Variants in FRMD6 observed in about 807,000 individuals in gnomAD.
FRMD6 encodes FERM domain-containing protein 6.
A neutral mutation model predicts 73.2 loss-of-function variants in FRMD6; 37 were observed. That is an observed-to-expected ratio of 0.51 (90% CI 0.39 to 0.66). FRMD6 has a LOEUF of 0.66. Ranked by LOEUF, FRMD6 falls within the 30% of genes least tolerant of loss-of-function variation. The probability of loss-of-function intolerance (pLI) is 0.00; values close to 1 mark genes in which losing one functional copy is unlikely to be tolerated. For synonymous variants in FRMD6, 273 were observed against 282.2 expected (o/e 0.97, Z 0.33); for missense variants, 714 against 780.5 (o/e 0.91, Z 1.02).
rs748297402 is a variant in FRMD6, at chr14:51,727,986, C to T, written c.1826C>T (p.Ser609Phe). 4 of 1,612,910 alleles carry T rather than the reference C, an allele frequency of 2.5e-6. No homozygotes were observed. In the African/African-American group the frequency reaches 4.0e-5, roughly 16 times the overall value. ...FPVKRTSKYF[S>F]LDLTHDEVPE... ...GTCAAAAGAACCAGCAAATACTTTT[C>T]TCTGGATCTCACTCATGATGAAGTT... is the stretch of plus-strand genomic sequence containing the variant. Residue 609 changes from serine (S) to phenylalanine (F), a missense_variant, in exon 14 of 14, where the codon TCT (serine) becomes TTT (phenylalanine). By Grantham distance (155) the Ser-to-Phe change is radical (BLOSUM62 -2). Coordinates refer to ENST00000344768, the MANE Select transcript of FRMD6 (RefSeq NM_001267046.2).
intron 2 of FRMD6, among the ~76,000 whole-genome samples, chr14:51,592,337 G>A (rs1013543475): frequency 6.6e-6 from 1 of 152,080 alleles, no homozygotes; most frequent in African/African-American, 2.4e-5. Flanking sequence ...AAGGCATTTG[G>A]GTTATTGCGT....
the FRMD6 span, among the ~76,000 whole-genome samples, chr14:51,477,718 C>T: frequency 2.2e-4 from 30 of 134,454 alleles, no homozygotes; most frequent in African/African-American, 7.8e-4. Context: ...TCTTTTCTTT[C>T]TTTCTTTCTT....
At chr14:51,440,241 A>G in the FRMD6 span, among the ~76,000 whole-genome samples, 4 of 152,216 alleles carry the variant, frequency 2.6e-5, no homozygotes, top group Non-Finnish European at 5.9e-5. Flanking sequence ...GAAAGCTTAA[A>G]CTGTTGAATA....
the FRMD6 span, among the ~76,000 whole-genome samples, chr14:51,427,343 C>T: frequency 6.6e-6 from 1 of 152,332 alleles, no homozygotes; most frequent in East Asian, 1.9e-4. Context: ...AGCCACTTTG[C>T]TGATCACCGT....
At chr14:51,699,395 C>T (rs375934662) in intron 3 of FRMD6, among the ~76,000 whole-genome samples, 2 of 152,042 alleles carry the variant, frequency 1.3e-5, no homozygotes, top group African/African-American at 4.8e-5. Flanking sequence ...ATTCCATGCT[C>T]AAAGTTAATT....
At chr14:51,480,776 T>G in the FRMD6 span, among the ~76,000 whole-genome samples, 2 of 152,114 alleles carry the variant, frequency 1.3e-5, no homozygotes, top group Non-Finnish European at 2.9e-5. Context: ...TTGTGAGGCT[T>G]AAGTGAGCTA....
At chr14:51,677,447 G>A (rs1266295213) in intron 1 of FRMD6, among the ~76,000 whole-genome samples, 1 of 152,044 alleles carries the variant, frequency 6.6e-6, no homozygotes, top group Non-Finnish European at 1.5e-5. Context: ...ATTTCATTGT[G>A]GAAATTAGAA....
At chr14:51,446,445 G>GACAC in the FRMD6 span, among the ~76,000 whole-genome samples, 218 of 139,222 alleles carry the variant, frequency 1.6e-3, 1 homozygote, top group African/African-American at 3.6e-3. Context: ...CTCTTGTGTA[G>GACAC]ACACACACAC....
chr14:51,636,794 G>A (rs1354062112), intron 2 of FRMD6, among the ~76,000 whole-genome samples: 1 of 152,084 alleles, frequency 6.6e-6, no homozygotes, highest in Non-Finnish European at 1.5e-5. Flanking sequence ...CTGTGAGAGG[G>A]GTGACGTGAG....
At chr14:51,550,375 T>C (rs994531215) in intron 1 of FRMD6, among the ~76,000 whole-genome samples, 4 of 152,216 alleles carry the variant, frequency 2.6e-5, no homozygotes, top group African/African-American at 9.6e-5. Flanking sequence ...AAATGTCTTT[T>C]TATCATTGGC....
the FRMD6 span, among the ~76,000 whole-genome samples, chr14:51,425,571 C>A: frequency 6.6e-6 from 1 of 152,308 alleles, no homozygotes; most frequent in Admixed American, 6.5e-5. Context: ...ATATTCTGTT[C>A]TATCACTTCC....
chr14:51,447,158 C>T, the FRMD6 span, among the ~76,000 whole-genome samples: 2 of 152,142 alleles, frequency 1.3e-5, no homozygotes, highest in Non-Finnish European at 2.9e-5. Context: ...AGTAGAAAAG[C>T]GTAAATGAGC....
intron 1 of FRMD6, among the ~76,000 whole-genome samples, chr14:51,510,119 T>C (rs1419916514): frequency 6.6e-6 from 1 of 152,194 alleles, no homozygotes; most frequent in African/African-American, 2.4e-5. Flanking sequence ...CTTGTTGCCA[T>C]GGAGGGAGGC....
the FRMD6 span, among the ~76,000 whole-genome samples, chr14:51,453,104 A>G: frequency 0.24 from 36,874 of 151,868 alleles, 4,776 homozygotes; most frequent in African/African-American, 0.31. Flanking sequence ...GTAATTTAAG[A>G]TGAGTGAGAA....
At chr14:51,501,409 C>T (rs1201119381) in intron 1 of FRMD6, among the ~76,000 whole-genome samples, 1 of 152,114 alleles carries the variant, frequency 6.6e-6, no homozygotes, top group African/African-American at 2.4e-5. Context: ...GTTGTTTCCC[C>T]ACCATGTGCC....
At chr14:51,525,076 TA>T (rs1354912645) in intron 1 of FRMD6, among the ~76,000 whole-genome samples, 1 of 107,924 alleles carries the variant, frequency 9.3e-6, no homozygotes, top group Admixed American at 1.0e-4. Context: ...ATAGAATAGA[TA>T]GATAGATAGA....
rs866572364 is a variant in FRMD6, at chr14:51,720,282, C to T, written c.1252C>T (p.His418Tyr). 6.2e-7 allele frequency: 1 copy of T among 1,613,974 alleles called. No homozygotes were observed. The highest frequency in any genetic ancestry group is 2.2e-5 in the East Asian group (1 of 44,872). The change falls in exon 11 of 14, where the codon CAC becomes TAC. Residue 418 changes from histidine (H) to tyrosine (Y), a missense_variant. Coordinates refer to ENST00000344768, the MANE Select transcript of FRMD6 (RefSeq NM_001267046.2). ...AGACAGCTACTCCAGCAGTGCCATCCACCGCAAGCTGAAAACCTGCAGCTC... is the reference window on the plus strand; with the variant it reads ...AGACAGCTACTCCAGCAGTGCCATCTACCGCAAGCTGAAAACCTGCAGCTC... The part of the protein sequence containing the change: ...PEDSYSSSAI[H>Y]RKLKTCSSMT...
chr14:51,459,884 C>CTT, the FRMD6 span, among the ~76,000 whole-genome samples: 63 of 74,652 alleles, frequency 8.4e-4, 3 homozygotes, highest in African/African-American at 2.4e-3. Flanking sequence ...TACTGACTCT[C>CTT]TTTTTTTTTT....
chr14:51,453,519 G>T, the FRMD6 span, among the ~76,000 whole-genome samples: 1 of 152,166 alleles, frequency 6.6e-6, no homozygotes, highest in South Asian at 2.1e-4. Context: ...AGTACTTTAA[G>T]GTACAGTGGA....
Sources: allele counts gnomAD v4.1 joint callset (sites outside exome capture counted in the v4.1 genomes callset), GRCh38; gene constraint gnomAD v4.1.1; transcripts MANE v1.5; gene names NCBI Gene and HGNC (gene_info 2026-07-23, HGNC 2026-07-21).